LTBP2: variants seen among roughly 807,000 people sequenced by gnomAD.
LTBP2 encodes latent-transforming growth factor beta-binding protein 2.
LTBP2 carries 103 observed loss-of-function variants against 210.6 expected under a neutral mutation model. The observed-to-expected ratio is 0.49, with a 90% CI of 0.42 to 0.58. The LOEUF is 0.58. Ranked by LOEUF, LTBP2 falls within the 20% of genes least tolerant of loss-of-function variation. The probability of loss-of-function intolerance (pLI) is 0.00; values close to 1 mark genes in which losing one functional copy is unlikely to be tolerated. For synonymous variants in LTBP2, 1,007 were observed against 1,015.0 expected (o/e 0.99, Z 0.15); for missense variants, 2,313 against 2,494.5 (o/e 0.93, Z 1.55).
At chr14:74,590,702 C>T (rs2139793209) in intron 2 of LTBP2, among the ~76,000 whole-genome samples, 1 of 152,248 alleles carries the variant, frequency 6.6e-6, no homozygotes. Flanking sequence ...TTGGATGGAG[C>T]TGGAGGCCAT....
chr14:74,602,137 CAGG>C (rs959244426), intron 2 of LTBP2, among the ~76,000 whole-genome samples: 26 of 152,332 alleles, frequency 1.7e-4, no homozygotes, highest in Middle Eastern at 6.8e-3. Flanking sequence ...GAACGAAGCC[CAGG>C]AGATCGGAGC....
intron 2 of LTBP2, among the ~76,000 whole-genome samples, chr14:74,597,879 G>C (rs1236131661): frequency 1.3e-5 from 2 of 152,156 alleles, no homozygotes; most frequent in Non-Finnish European, 2.9e-5. Context: ...CTGGCTCCTG[G>C]TGGGTGCTAA....
Position 74,545,361 on chromosome 14 carries a change from T to C in LTBP2, c.1789+4502A>G, listed in dbSNP as rs149376739. Among the ~76,000 whole-genome samples, 618 of 152,188 alleles carry C rather than the reference T, an allele frequency of 4.1e-3. 2 individuals are homozygous for C. Among genetic ancestry groups the C allele is most frequent in the Non-Finnish European group, 7.3e-3 (499 of 68,000 alleles). ...GAGACAAAACATGTGAAGGGCCCAG[T>C]GTAATGTGAAAGTTCAGGAACTGGC... is the stretch of plus-strand genomic sequence containing the variant. On this transcript the variant is annotated intron_variant, in intron 8 of 35. Transcript: ENST00000261978.
At position 74,506,751 on chromosome 14, in the gene LTBP2, C is replaced by T. The variant is rs780277652; in HGVS notation, c.3980G>A (p.Arg1327His). ...GFCDNTDGSF[R>H]CLCDQGFEIS... ...CTCGAAGCCCTGGTCACAGAGGCAG[C>T]GGAAGGAGCCATCAGTGTTGTCACA... The change falls in exon 27 of 36, where the codon CGC becomes CAC. Residue 1327 changes from arginine (R) to histidine (H), a missense_variant. Physicochemically the swap from Arg to His is conservative, Grantham distance 29 (BLOSUM62 0). Transcript: ENST00000261978. The T allele has an allele frequency of 1.2e-5, 19 of 1,613,778 alleles. No individual in the cohort carries two copies. Among genetic ancestry groups the T allele is most frequent in the Middle Eastern group, 1.6e-4 (1 of 6,084 alleles).
chr14:74,537,160 GAA>G (rs111689700), intron 8 of LTBP2, among the ~76,000 whole-genome samples: 1 of 123,562 alleles, frequency 8.1e-6, no homozygotes, highest in African/African-American at 2.9e-5. Flanking sequence ...ACTTTACAAA[GAA>G]AAAAAAAAAA....
At chr14:74,509,131 T>C in intron 22 of LTBP2, 107 bp downstream of exon 22, 1 of 1,582,066 alleles carries the variant, frequency 6.3e-7, no homozygotes, top group South Asian at 1.1e-5. Context: ...GGGAGCGGGA[T>C]GATGGCAGCT....
At position 74,502,777 on chromosome 14, in the gene LTBP2, G is replaced by C; in HGVS notation, c.5046C>G (p.Pro1682=). ...DGAPFYNYLG[P]EDTVPEPAFP... ...AGGCAGGCTCAGGGACGGTGTCCTCGGGGCCCAGGTAGTTGTAGAAGGGGG... is the reference window on the plus strand; with the variant it reads ...AGGCAGGCTCAGGGACGGTGTCCTCCGGGCCCAGGTAGTTGTAGAAGGGGG... The change falls in exon 34 of 36, where the codon CCC becomes CCG. Residue 1682 remains proline (P), a synonymous_variant. Coordinates refer to ENST00000261978, the MANE Select transcript of LTBP2 (RefSeq NM_000428.3). 4 of 1,614,150 alleles carry C rather than the reference G, an allele frequency of 2.5e-6. No homozygotes were observed. The highest frequency in any genetic ancestry group is 2.5e-6 in the Non-Finnish European group (3 of 1,180,012).
At chr14:74,545,038 TGACG>T (rs1472032333) in intron 8 of LTBP2, among the ~76,000 whole-genome samples, 2 of 152,210 alleles carry the variant, frequency 1.3e-5, no homozygotes, top group East Asian at 3.8e-4. Flanking sequence ...CAAATCTTCT[TGACG>T]GATATAGCAC....
At chr14:74,521,697 T>C (rs1490144014) in intron 17 of LTBP2, among the ~76,000 whole-genome samples, 1 of 152,226 alleles carries the variant, frequency 6.6e-6, no homozygotes, top group Non-Finnish European at 1.5e-5. Flanking sequence ...TTTGCAGAGA[T>C]TGCTGGTTTT....
intron 3 of LTBP2, among the ~76,000 whole-genome samples, chr14:74,561,138 G>C (rs1321568352): frequency 6.6e-6 from 1 of 152,140 alleles, no homozygotes; most frequent in African/African-American, 2.4e-5. Context: ...GGCCAACATG[G>C]TGAAACCTGT....
intron 1 of LTBP2, among the ~76,000 whole-genome samples, chr14:74,606,088 C>A (rs941274261): frequency 6.6e-6 from 1 of 152,152 alleles, no homozygotes; most frequent in Non-Finnish European, 1.5e-5. Context: ...CACTCTGACT[C>A]CCTAGAAGGT....
intron 8 of LTBP2, among the ~76,000 whole-genome samples, chr14:74,546,835 G>A (rs1365979213): frequency 6.6e-6 from 1 of 152,252 alleles, no homozygotes; most frequent in Non-Finnish European, 1.5e-5. Flanking sequence ...TGGCACACAG[G>A]TGGAACCAGG....
intron 5 of LTBP2, among the ~76,000 whole-genome samples, chr14:74,552,651 G>GT (rs1219529794): frequency 6.6e-6 from 1 of 152,218 alleles, no homozygotes; most frequent in African/African-American, 2.4e-5. Flanking sequence ...AGATGGGGAG[G>GT]TGGCATTATC....
At chr14:74,584,342 A>G (rs189380967) in intron 3 of LTBP2, among the ~76,000 whole-genome samples, 1 of 152,284 alleles carries the variant, frequency 6.6e-6, no homozygotes, top group Admixed American at 6.5e-5. Context: ...CCCTGCTCCT[A>G]GCACACACCT....
rs747800532 is a variant in LTBP2 at position 74,551,125 on chromosome 14, G to A, written c.1625C>T (p.Pro542Leu). Residue 542 changes from proline (P) to leucine (L), a missense_variant, in exon 7 of 36, where the codon CCA (proline) becomes CTA (leucine). By Grantham distance (98) the Pro-to-Leu change is moderately conservative. Around this residue, in one of 3 missense-constraint regions of LTBP2, gnomAD observed 1,867 missense variants for 1,976.9 expected, o/e 0.94. Coordinates refer to ENST00000261978, the MANE Select transcript of LTBP2 (RefSeq NM_000428.3). ...RSGEPPRPLP[P>L]AAPRPRGLLG... ...CAGTCCTCGAGGCCTGGGTGCTGCT[G>A]GGGGCAGTGGCCGAGGGGGCTCTCC... 6.2e-7 allele frequency: 1 copy of A among 1,613,858 alleles called. No individual in the cohort carries two copies. The highest frequency in any genetic ancestry group is 8.5e-7 in the Non-Finnish European group (1 of 1,180,014).
At chr14:74,513,846 AAGATAGGGGTTG>A (rs2087102920) in intron 18 of LTBP2, among the ~76,000 whole-genome samples, 1 of 152,084 alleles carries the variant, frequency 6.6e-6, no homozygotes, top group Non-Finnish European at 1.5e-5. Flanking sequence ...CTATGTCAAT[AAGATAGGGGTTG>A]TTTGTTAACG....
chr14:74,517,321 C>T (rs117994407), intron 17 of LTBP2, among the ~76,000 whole-genome samples: 1,865 of 152,246 alleles, frequency 0.012, 22 homozygotes, highest in Non-Finnish European at 0.02. Flanking sequence ...ATATCCCCTT[C>T]GGGTCTGCTC....
chr14:74,508,024 A>G lies in LTBP2; in HGVS notation c.3724T>C (p.Cys1242Arg). 1 of 1,613,928 alleles carries G rather than the reference A, an allele frequency of 6.2e-7. No individual in the cohort carries two copies. Among genetic ancestry groups the G allele is most frequent in the Non-Finnish European group, 8.5e-7 (1 of 1,180,014 alleles). ...HCVNTEGSFN[C>R]LCETGFQPSP... ...GGCTGGAAGCCAGTCTCACATAGACAGTTGAAGGAGCCCTCGGTGTTGACA... is the reference window on the plus strand; with the variant it reads ...GGCTGGAAGCCAGTCTCACATAGACGGTTGAAGGAGCCCTCGGTGTTGACA... The change falls in exon 25 of 36, where the codon TGT (cysteine) becomes CGT (arginine). Residue 1242 changes from cysteine to arginine, a missense_variant. By Grantham distance (180) the Cys-to-Arg change is radical. Transcript: ENST00000261978.
intron 3 of LTBP2, among the ~76,000 whole-genome samples, chr14:74,575,600 A>C (rs2088047292): frequency 1.3e-5 from 2 of 152,352 alleles, no homozygotes; most frequent in South Asian, 4.1e-4. Context: ...ACAGTGCCTC[A>C]GACCCATCTG....
Sources: gnomAD v4.1 joint callset for allele counts (sites outside exome capture counted in the v4.1 genomes callset) on GRCh38, gnomAD v4.1.1 for gene constraint, gnomAD v4.1.1 regional missense constraint, MANE v1.5 for transcripts, NCBI Gene and HGNC (gene_info 2026-07-23, HGNC 2026-07-21) for gene names.